Variants in ANGPT1 observed in about 807,000 individuals in gnomAD.
ANGPT1 encodes the protein angiopoietin-1.
Under a neutral mutation model 62.2 loss-of-function variants are expected in ANGPT1, and 17 were observed. The ratio of observed to expected loss-of-function variants is 0.27; its 90% CI spans 0.19 to 0.41. The LOEUF is 0.41. Ranked by LOEUF, ANGPT1 falls within the 10% of genes least tolerant of loss-of-function variation. ANGPT1 has a pLI of 1.00. For missense variants in ANGPT1, 478 were observed against 594.9 expected (o/e 0.80, Z 2.04); for synonymous variants, 199 against 198.9 (o/e 1.00, Z 0.00).
chr8:107,497,257 C>G lies in ANGPT1; in HGVS notation c.297+5G>C. 6.2e-7 allele frequency: 1 copy of G among 1,612,772 alleles called. No individual in the cohort carries two copies. The highest frequency in any genetic ancestry group is 8.5e-7 in the Non-Finnish European group (1 of 1,179,074). ...TGCTATTAGAAACTGAAAGCAATCA[C>G]TTACTTTTTGCAGCCACTGAGTATA... On this transcript the variant is annotated splice_donor_5th_base_variant and intron_variant, in intron 1 of 8. Coordinates refer to ENST00000517746, the MANE Select transcript of ANGPT1 (RefSeq NM_001146.5).
intron 8 of ANGPT1, among the ~76,000 whole-genome samples, chr8:107,262,204 A>G (rs981873233): frequency 2.6e-5 from 4 of 152,196 alleles, no homozygotes; most frequent in African/African-American, 7.2e-5. Flanking sequence ...CAAAAAAATG[A>G]TAATCATCAT....
At chr8:107,448,772 C>G (rs559206618) in intron 1 of ANGPT1, among the ~76,000 whole-genome samples, 1 of 152,138 alleles carries the variant, frequency 6.6e-6, no homozygotes, top group Non-Finnish European at 1.5e-5. Flanking sequence ...ATAAAACATT[C>G]TATAGCGAGA....
At chr8:107,268,681 G>T (rs1347622111) in intron 7 of ANGPT1, among the ~76,000 whole-genome samples, 1 of 152,004 alleles carries the variant, frequency 6.6e-6, no homozygotes, top group African/African-American at 2.4e-5. Flanking sequence ...TATGCTTAAG[G>T]TTAGTGTTTC....
intron 1 of ANGPT1, among the ~76,000 whole-genome samples, chr8:107,430,779 C>T (rs1440834445): frequency 6.6e-6 from 1 of 152,126 alleles, no homozygotes; most frequent in African/African-American, 2.4e-5. Flanking sequence ...CCTTTAGGGC[C>T]TCCAAAAGGA....
chr8:107,382,744 G>A (rs1038213647), intron 1 of ANGPT1, among the ~76,000 whole-genome samples: 7 of 152,020 alleles, frequency 4.6e-5, no homozygotes, highest in Admixed American at 2.0e-4. Flanking sequence ...CCCAAACCCC[G>A]AAAGTTTTGG....
intron 1 of ANGPT1, among the ~76,000 whole-genome samples, chr8:107,462,649 AACCAGC>A (rs1362657728): frequency 1.3e-5 from 2 of 152,054 alleles, no homozygotes; most frequent in Non-Finnish European, 2.9e-5. Context: ...ATCAATCACA[AACCAGC>A]ACCCATAAAA....
chr8:107,281,701 C>T (rs1814008688), intron 7 of ANGPT1, among the ~76,000 whole-genome samples: 2 of 151,952 alleles, frequency 1.3e-5, no homozygotes, highest in Admixed American at 1.3e-4. Context: ...TTGCTTGAAC[C>T]GGTGAGGCGG....
intron 1 of ANGPT1, among the ~76,000 whole-genome samples, chr8:107,444,532 T>G (rs1477196667): frequency 6.6e-6 from 1 of 152,164 alleles, no homozygotes; most frequent in Non-Finnish European, 1.5e-5. Context: ...TAAATGCAAA[T>G]GAAGATTTTG....
At chr8:107,451,369 A>G (rs1185283442) in intron 1 of ANGPT1, among the ~76,000 whole-genome samples, 1 of 151,672 alleles carries the variant, frequency 6.6e-6, no homozygotes, top group African/African-American at 2.4e-5. Flanking sequence ...TTTCAACCTT[A>G]TGATACTAGG....
intron 1 of ANGPT1, among the ~76,000 whole-genome samples, chr8:107,395,104 T>C (rs541282526): frequency 6.6e-6 from 1 of 152,180 alleles, no homozygotes. Context: ...CTGAAGAGGA[T>C]TCCTAGAAAT....
chr8:107,377,766 C>T (rs181009720), intron 1 of ANGPT1, among the ~76,000 whole-genome samples: 26 of 152,182 alleles, frequency 1.7e-4, no homozygotes, highest in Admixed American at 1.1e-3. Context: ...ATCCCTGGCT[C>T]AAAGTCCAAA....
chr8:107,334,568 A>AT (rs35899870), intron 3 of ANGPT1, among the ~76,000 whole-genome samples: 29,694 of 151,748 alleles, frequency 0.2, 3,281 homozygotes, highest in East Asian at 0.34. Flanking sequence ...TAAACGTGCT[A>AT]TTGTATAATT....
intron 3 of ANGPT1, among the ~76,000 whole-genome samples, chr8:107,332,088 C>T (rs1361976111): frequency 6.6e-6 from 1 of 152,166 alleles, no homozygotes; most frequent in Non-Finnish European, 1.5e-5. Context: ...CTGAAGGAAA[C>T]TGCATTAGGA....
intron 1 of ANGPT1, among the ~76,000 whole-genome samples, chr8:107,390,349 A>G (rs973325005): frequency 6.6e-6 from 1 of 152,162 alleles, no homozygotes; most frequent in African/African-American, 2.4e-5. Flanking sequence ...GGAAAGCAGG[A>G]CGTAATTCAT....
chr8:107,271,499 G>A (rs544070901), intron 7 of ANGPT1, among the ~76,000 whole-genome samples: 39 of 152,120 alleles, frequency 2.6e-4, no homozygotes, highest in Non-Finnish European at 4.6e-4. Flanking sequence ...TAAGTGTTCT[G>A]AGAGTGATAA....
chr8:107,433,429 T>A (rs1811249276), intron 1 of ANGPT1, among the ~76,000 whole-genome samples: 1 of 152,226 alleles, frequency 6.6e-6, no homozygotes, highest in African/African-American at 2.4e-5. Flanking sequence ...AGAAAGGACA[T>A]GTCCAGACAT....
intron 1 of ANGPT1, among the ~76,000 whole-genome samples, chr8:107,483,081 A>G (rs1638815650): frequency 6.6e-6 from 1 of 152,188 alleles, no homozygotes; most frequent in Non-Finnish European, 1.5e-5. Context: ...TTAGTTGTTT[A>G]TGATATCTTT....
intron 1 of ANGPT1, among the ~76,000 whole-genome samples, chr8:107,372,438 C>T (rs895461418): frequency 2.0e-5 from 3 of 152,124 alleles, no homozygotes. Context: ...AATTACAATC[C>T]ATGTAATAGA....
At chr8:107,487,569 G>T (rs1165009063) in intron 1 of ANGPT1, among the ~76,000 whole-genome samples, 2 of 151,872 alleles carry the variant, frequency 1.3e-5, no homozygotes, top group Non-Finnish European at 2.9e-5. Context: ...GAAAGAAAAA[G>T]AAAAAGCTCC....
Sources: allele counts gnomAD v4.1 joint callset (sites outside exome capture counted in the v4.1 genomes callset), GRCh38; gene constraint gnomAD v4.1.1; transcripts MANE v1.5; gene names NCBI Gene and HGNC (gene_info 2026-07-23, HGNC 2026-07-21).